Variants in LHFPL3 observed in about 807,000 individuals in gnomAD.
LHFPL3 encodes the protein LHFPL tetraspan subfamily member 3, also known as LHFPL tetraspan subfamily member 3 protein.
In LHFPL3, 5 loss-of-function variants were observed where a neutral mutation model predicts 19.3. The observed-to-expected ratio is 0.26, with a 90% CI of 0.14 to 0.54. The LOEUF is 0.54. Ranked by LOEUF, LHFPL3 falls within the 20% of genes least tolerant of loss-of-function variation. LHFPL3 has a pLI of 0.94. For missense variants in LHFPL3, 249 were observed against 307.4 expected (o/e 0.81, Z 1.42); for synonymous variants, 133 against 126.2 (o/e 1.05, Z -0.36).
intron 1 of LHFPL3, among the ~76,000 whole-genome samples, chr7:104,344,159 TAA>T (rs1445510751): frequency 2.6e-5 from 4 of 152,194 alleles, no homozygotes; most frequent in African/African-American, 9.6e-5. Context: ...AAGATAATTA[TAA>T]TACTGGATTT....
At chr7:104,591,964 A>G (rs574975537) in intron 1 of LHFPL3, among the ~76,000 whole-genome samples, 5 of 152,176 alleles carry the variant, frequency 3.3e-5, no homozygotes, top group African/African-American at 4.8e-5. Flanking sequence ...TTTCAGCTCC[A>G]TCAGGTCATT....
At chr7:104,579,088 A>C (rs1021236326) in intron 1 of LHFPL3, among the ~76,000 whole-genome samples, 1 of 152,186 alleles carries the variant, frequency 6.6e-6, no homozygotes, top group Non-Finnish European at 1.5e-5. Context: ...AAACATTTTT[A>C]ATCTTGCTTT....
chr7:104,732,796 A>C (rs1371474659), intron 1 of LHFPL3, among the ~76,000 whole-genome samples: 2 of 152,020 alleles, frequency 1.3e-5, no homozygotes, highest in South Asian at 4.2e-4. Context: ...TTGCTTCTCT[A>C]GTTCTTTTAA....
chr7:104,827,756 T>TA (rs1428382164), intron 2 of LHFPL3, among the ~76,000 whole-genome samples: 1 of 151,866 alleles, frequency 6.6e-6, no homozygotes, highest in Non-Finnish European at 1.5e-5. Context: ...AAATCCTTAT[T>TA]ACATTCTCAA....
At chr7:104,406,762 G>T (rs1226554788) in intron 1 of LHFPL3, among the ~76,000 whole-genome samples, 1 of 152,248 alleles carries the variant, frequency 6.6e-6, no homozygotes, top group Non-Finnish European at 1.5e-5. Context: ...GGTATTCACT[G>T]ATCTCTTCTT....
intron 1 of LHFPL3, among the ~76,000 whole-genome samples, chr7:104,375,451 CTGTT>C (rs1790695740): frequency 6.6e-6 from 1 of 152,094 alleles, no homozygotes; most frequent in South Asian, 2.1e-4. Flanking sequence ...AACATAAAAT[CTGTT>C]TGGCAAAATT....
At chr7:104,675,723 C>G (rs936356030) in intron 1 of LHFPL3, among the ~76,000 whole-genome samples, 6 of 152,166 alleles carry the variant, frequency 3.9e-5, no homozygotes, top group Non-Finnish European at 8.8e-5. Flanking sequence ...GGGCACGAGA[C>G]AGACACCTGG....
chr7:104,617,663 G>T (rs975763457), intron 1 of LHFPL3, among the ~76,000 whole-genome samples: 3 of 152,154 alleles, frequency 2.0e-5, no homozygotes, highest in Non-Finnish European at 4.4e-5. Flanking sequence ...ATAATTAGAT[G>T]CATACTTTCC....
At chr7:104,799,048 G>A (rs1344848480) in intron 2 of LHFPL3, among the ~76,000 whole-genome samples, 3 of 152,292 alleles carry the variant, frequency 2.0e-5, no homozygotes, top group Admixed American at 6.5e-5. Flanking sequence ...CATCCTGTCC[G>A]GTTGTTGAGC....
chr7:104,535,309 T>G (rs1403374884), intron 1 of LHFPL3, among the ~76,000 whole-genome samples: 1 of 152,248 alleles, frequency 6.6e-6, no homozygotes, highest in Non-Finnish European at 1.5e-5. Flanking sequence ...TGTCAGGCAG[T>G]GTAAATTGCC....
At chr7:104,348,035 C>T (rs1790105011) in intron 1 of LHFPL3, among the ~76,000 whole-genome samples, 1 of 151,788 alleles carries the variant, frequency 6.6e-6, no homozygotes, top group African/African-American at 2.4e-5. Context: ...TGATTTTTCC[C>T]ACAGAGTCAG....
intron 1 of LHFPL3, among the ~76,000 whole-genome samples, chr7:104,612,240 G>A (rs1791225748): frequency 6.6e-6 from 1 of 152,150 alleles, no homozygotes; most frequent in African/African-American, 2.4e-5. Context: ...GACTTTCAAT[G>A]TGTTATTTAA....
At chr7:104,524,320 G>A (rs1425837603) in intron 1 of LHFPL3, among the ~76,000 whole-genome samples, 1 of 152,134 alleles carries the variant, frequency 6.6e-6, no homozygotes, top group Admixed American at 6.6e-5. Flanking sequence ...GACAGTCAAG[G>A]AAGGCCGGGC....
intron 1 of LHFPL3, 82 bp downstream of exon 1, chr7:104,329,306 G>A (rs1049142767): frequency 1.4e-6 from 2 of 1,480,146 alleles, no homozygotes; most frequent in Admixed American, 2.2e-5. Context: ...AGGGACGGGG[G>A]CTGTGCGCGC....
intron 2 of LHFPL3, among the ~76,000 whole-genome samples, chr7:104,766,112 G>A (rs574492380): frequency 7.2e-5 from 11 of 152,246 alleles, no homozygotes; most frequent in South Asian, 4.2e-4. Flanking sequence ...ATGATGATAC[G>A]GAATGATCCT....
chr7:104,610,910 C>T lies in LHFPL3; in HGVS notation c.446-125765C>T, dbSNP rs540179454. Among the ~76,000 whole-genome samples, 37 of 152,326 alleles carry T rather than the reference C, an allele frequency of 2.4e-4. No homozygotes were observed. In the South Asian group the frequency reaches 7.0e-3, roughly 29 times the overall value. ...AAAGCTACTCTCTCAAACACACACT[C>T]AGTTTGAATTCCCAGTTTCTGGTTG... On this transcript the variant is annotated intron_variant, in intron 1 of 2. Coordinates refer to ENST00000424859, the MANE Select transcript of LHFPL3 (RefSeq NM_199000.3).
At position 104,558,045 on chromosome 7, in the gene LHFPL3, A is replaced by G. The variant is rs1247938013; in HGVS notation, c.446-178630A>G. Among the ~76,000 whole-genome samples the G allele has an allele frequency of 4.0e-5, 6 of 149,564 alleles. No individual in the cohort carries two copies. In the East Asian group the frequency reaches 1.2e-3, roughly 29 times the overall value. On this transcript the variant is annotated intron_variant, in intron 1 of 2. Transcript: ENST00000424859. The stretch of plus-strand genomic sequence containing the variant: ...ATGGCTGCATAGTATTCCATGGTGT[A>G]TATGTGCCACATTTTCTTAATCCAG...
At chr7:104,706,936 C>T (rs1793201906) in intron 1 of LHFPL3, among the ~76,000 whole-genome samples, 1 of 136,898 alleles carries the variant, frequency 7.3e-6, no homozygotes, top group African/African-American at 2.5e-5. Flanking sequence ...ATAATGACTA[C>T]AAGACCTGAT....
chr7:104,829,534 G>T lies in LHFPL3; in HGVS notation c.683-76653G>T, dbSNP rs547926346. ...TGTGATGTTCCCCTTCCTGTGTCCA[G>T]GTGTTCTCATTGTTCAGTTCCCACC... is the stretch of plus-strand genomic sequence containing the variant. On this transcript the variant is annotated intron_variant, in intron 2 of 2. Coordinates refer to ENST00000424859, the MANE Select transcript of LHFPL3 (RefSeq NM_199000.3). 1.0e-3 allele frequency among the ~76,000 whole-genome samples: 157 copies of T among 151,492 alleles called. 1 individual carries two copies. The highest frequency in any genetic ancestry group is 1.7e-3 in the East Asian group (9 of 5,148).
Sources: allele counts gnomAD v4.1 joint callset (sites outside exome capture counted in the v4.1 genomes callset), GRCh38; gene constraint gnomAD v4.1.1; transcripts MANE v1.5; gene names NCBI Gene and HGNC (gene_info 2026-07-23, HGNC 2026-07-21).